OTOA: variants seen among roughly 807,000 people sequenced by gnomAD.
OTOA encodes cancer/testis antigen 108.
In OTOA, 70 loss-of-function variants were observed where a neutral mutation model predicts 110.8. The ratio of observed to expected loss-of-function variants is 0.63; its 90% confidence interval spans 0.52 to 0.77. The LOEUF (loss-of-function observed/expected upper bound fraction) is 0.77. OTOA is among the 30% of genes least tolerant of loss of function. The pLI is 0.00. For missense variants in OTOA, 917 were observed against 1,075.8 expected, an observed-to-expected ratio of 0.85 and a Z score of 2.06; for synonymous variants, 373 against 431.5, an observed-to-expected ratio of 0.86 and a Z score of 1.68.
At chr16:21,714,428 C>T (rs1898478131) in intron 13 of OTOA, among the ~76,000 whole-genome samples, 1 of 141,718 alleles carries the variant, frequency 7.1e-6, no homozygotes, top group African/African-American at 2.7e-5. Flanking sequence ...TCTTTCCTTT[C>T]TTTCTCTCTT....
At chr16:21,668,882 G>A (rs1966845482) in intron 1 of OTOA, among the ~76,000 whole-genome samples, 1 of 152,040 alleles carries the variant, frequency 6.6e-6, no homozygotes, top group South Asian at 2.1e-4. Context: ...AAAGAAACTA[G>A]GTTGTTTGTT....
chr16:21,712,261 A>T (rs1898379614), intron 13 of OTOA, among the ~76,000 whole-genome samples: 1 of 151,920 alleles, frequency 6.6e-6, no homozygotes, highest in African/African-American at 2.4e-5. Flanking sequence ...CAGGAGGCAG[A>T]GGAGGTTGCA....
intron 12 of OTOA, among the ~76,000 whole-genome samples, chr16:21,708,319 A>C (rs1028008744): frequency 1.3e-5 from 2 of 152,068 alleles, no homozygotes; most frequent in Non-Finnish European, 2.9e-5. Context: ...TCTTAGGAGA[A>C]TCTAATGCCG....
intron 1 of OTOA, among the ~76,000 whole-genome samples, chr16:21,675,189 A>C (rs1597803959): frequency 7.9e-6 from 1 of 126,784 alleles, no homozygotes. Context: ...TCATTCTGTC[A>C]CCTAGGCTGG....
chr16:21,724,298 A>T (rs1898847433), intron 18 of OTOA, among the ~76,000 whole-genome samples: 1 of 152,224 alleles, frequency 6.6e-6, no homozygotes, highest in South Asian at 2.1e-4. Context: ...TAGACTGGAG[A>T]GACAGGGGAG....
chr16:21,717,508 A>G (rs984983035), intron 15 of OTOA, among the ~76,000 whole-genome samples: 4 of 152,188 alleles, frequency 2.6e-5, no homozygotes, highest in Non-Finnish European at 5.9e-5. Context: ...GCTTTGGAGA[A>G]GTTCCTTATA....
intron 8 of OTOA, among the ~76,000 whole-genome samples, chr16:21,687,979 A>G (rs1420496862): frequency 6.6e-6 from 1 of 151,756 alleles, no homozygotes; most frequent in East Asian, 1.9e-4. Flanking sequence ...CACCTTCTTA[A>G]CTCATCACAG....
In OTOA at chr16:21,721,280, A is replaced by C. The variant is rs202159397; in HGVS notation, c.1807-1625A>C. On this transcript the variant is annotated intron_variant, in intron 17 of 28. Coordinates refer to ENST00000646100, the MANE Select transcript of OTOA (RefSeq NM_144672.4). ...ACACACACACACACACACACACACA[A>C]ACAACCAATACAGAGAAAGTAAAAT... 7.4e-4 allele frequency: 312 copies of C among 422,600 alleles called. 1 individual carries two copies. The highest frequency in any genetic ancestry group is 2.9e-3 in the East Asian group (36 of 12,260). 26.2% of individuals were successfully genotyped at this position (422,600 alleles called of 1,614,324 possible).
chr16:21,679,788 G>A (rs1387979621), intron 5 of OTOA, among the ~76,000 whole-genome samples: 1 of 152,112 alleles, frequency 6.6e-6, no homozygotes, highest in African/African-American at 2.4e-5. Flanking sequence ...ATCCTCACAA[G>A]TGCCACACAA....
At chr16:21,720,896 C>CATTATTACTATT (rs1898709467) in intron 17 of OTOA, among the ~76,000 whole-genome samples, 1 of 147,190 alleles carries the variant, frequency 6.8e-6, no homozygotes, top group African/African-American at 2.5e-5. Context: ...TACTAAAACA[C>CATTATTACTATT]ATTATTATTA....
intron 9 of OTOA, 132 bp downstream of exon 9, chr16:21,691,819 C>A: frequency 1.3e-6 from 1 of 795,090 alleles, no homozygotes; most frequent in Non-Finnish European, 2.1e-6. Context: ...CTTCGAAAAA[C>A]AGTTTGATGT....
Position 21,736,316 on chromosome 16 carries a change from A to G in OTOA, c.2357A>G (p.Lys786Arg). Residue 786 changes from lysine (K) to arginine (R), a missense_variant, in exon 22 of 29, where the codon AAA becomes AGA. Physicochemically the swap from Lys to Arg is conservative, Grantham distance 26 (BLOSUM62 2). Transcript: ENST00000646100. ...ASKMARTLPTKEFLWAVFQSV... is the reference protein window; with the variant it reads ...ASKMARTLPTREFLWAVFQSV... ...AAGATGGCCAGGACCCTGCCCACTAAAGAATTCCTCTGGGCTGTCTTTCAG... is the reference window on the plus strand; with the variant it reads ...AAGATGGCCAGGACCCTGCCCACTAGAGAATTCCTCTGGGCTGTCTTTCAG... 4.3e-6 allele frequency: 7 copies of G among 1,614,200 alleles called. No individual in the cohort carries two copies. The Middle Eastern group carries it at 1.2e-3, about 266-fold the overall frequency.
intron 1 of OTOA, among the ~76,000 whole-genome samples, chr16:21,665,421 T>C (rs2141641867): frequency 6.6e-6 from 1 of 152,280 alleles, no homozygotes; most frequent in South Asian, 2.1e-4. Context: ...GAGAGGCGTG[T>C]ACTTAGTTCT....
intron 7 of OTOA, among the ~76,000 whole-genome samples, chr16:21,686,065 G>A (rs1247743826): frequency 6.6e-6 from 1 of 152,084 alleles, no homozygotes; most frequent in Non-Finnish European, 1.5e-5. Context: ...AGTGATCCAA[G>A]AATATCACAA....
At chr16:21,668,110 A>G (rs1464367132) in intron 1 of OTOA, among the ~76,000 whole-genome samples, 4 of 152,040 alleles carry the variant, frequency 2.6e-5, no homozygotes, top group Non-Finnish European at 5.9e-5. Context: ...TTGTCTCACA[A>G]TTTTTTGGGT....
intron 5 of OTOA, among the ~76,000 whole-genome samples, chr16:21,680,184 T>TATCCATCCATCCATCCATCC (rs60446298): frequency 1.4e-3 from 216 of 150,174 alleles, no homozygotes; most frequent in African/African-American, 1.8e-3. Flanking sequence ...TTTATTAATT[T>TATCCATCCATCCATCCATCC]ATCCATCCAT....
At chr16:21,681,199 C>T (rs919978674) in intron 5 of OTOA, among the ~76,000 whole-genome samples, 1 of 152,146 alleles carries the variant, frequency 6.6e-6, no homozygotes, top group Admixed American at 6.5e-5. Flanking sequence ...TAGAATATTG[C>T]ATACAGCTTA....
rs1322776834 is a variant in OTOA, at chr16:21,689,652, T to C, written c.636-1932T>C. 1.3e-5 allele frequency among the ~76,000 whole-genome samples: 2 copies of C among 152,134 alleles called. 1 individual carries two copies. On this transcript the variant is annotated intron_variant, in intron 8 of 28. Coordinates refer to ENST00000646100, the MANE Select transcript of OTOA (RefSeq NM_144672.4). Reference sequence around the variant, plus strand: ...AACATCTTTGGCTCTTTGTCTTATATGCTGAAAACCACTGAATTGTGCACT... The same window carrying C: ...AACATCTTTGGCTCTTTGTCTTATACGCTGAAAACCACTGAATTGTGCACT...
At chr16:21,756,822 C>A (rs1384728202) in intron 27 of OTOA, among the ~76,000 whole-genome samples, 1 of 149,658 alleles carries the variant, frequency 6.7e-6, no homozygotes, top group African/African-American at 2.5e-5. Flanking sequence ...TTTTATTTTG[C>A]GGCTCCTATT....
Sources: gnomAD v4.1 joint callset for allele counts (sites outside exome capture counted in the v4.1 genomes callset) on GRCh38, gnomAD v4.1.1 for gene constraint, MANE v1.5 for transcripts, NCBI Gene and HGNC (gene_info 2026-07-23, HGNC 2026-07-21) for gene names.